The following UPF1 variants were observed in gnomAD, a reference collection of about 807,000 sequenced individuals.
The protein encoded by UPF1 is UPF1 RNA helicase and ATPase.
UPF1 carries 9 observed loss-of-function variants against 129.2 expected under a neutral mutation model. That is an observed-to-expected ratio of 0.07 (90% CI 0.04 to 0.12). The LOEUF is 0.12. Ranked by LOEUF, UPF1 falls within the 10% of genes least tolerant of loss-of-function variation. The pLI is 1.00. For missense variants in UPF1, 788 were observed against 1,525.3 expected (o/e 0.52, Z 8.05); for synonymous variants, 649 against 644.9 (o/e 1.01, Z -0.10).
rs760057017 is a variant in UPF1, at chr19:18,852,977, A to G, written c.973-10A>G. On this transcript the variant is annotated splice_polypyrimidine_tract_variant and intron_variant, in intron 6 of 23. Coordinates refer to ENST00000262803, the MANE Select transcript of UPF1 (RefSeq NM_002911.4). ...AGGCTAACCGGGGCTCTTGTTTTTC[A>G]TGTGCTCAGACTCAAGATAACATCA... 3.2e-5 allele frequency: 51 copies of G among 1,611,120 alleles called. No homozygotes were observed. The highest frequency in any genetic ancestry group is 1.7e-4 in the Middle Eastern group (1 of 6,016).
At position 18,847,628 on chromosome 19, in the gene UPF1, G is replaced by A. The variant is rs183553419; in HGVS notation, c.372-116G>A. The A allele has an allele frequency of 4.9e-5, 44 of 891,436 alleles. No homozygotes were observed. In the African/African-American group the frequency reaches 5.0e-4, roughly 10 times the overall value. The allele number at this position is 891,436 out of a possible 1,614,324, so 55.2% of individuals were successfully genotyped here. The stretch of plus-strand genomic sequence containing the variant: ...TGGTTACTGGGATTGTTGGGGTTGA[G>A]TATGTGTTTAATGAAGAACTTAAAA... On this transcript the variant is annotated intron_variant, in intron 2 of 23. Transcript: ENST00000262803.
At chr19:18,860,113 T>A in intron 15 of UPF1, 1 of 608,136 alleles carries the variant, frequency 1.6e-6, no homozygotes, top group Non-Finnish European at 2.9e-6. Context: ...GCCATGGTGC[T>A]CTCGGTGGCC....
At position 18,855,494 on chromosome 19, in the gene UPF1, G is replaced by C. The variant is rs1339052842; in HGVS notation, c.1544+252G>C. 6.9e-6 allele frequency: 4 copies of C among 580,932 alleles called. No individual in the cohort carries two copies. The Admixed American group carries it at 1.2e-4, about 18-fold the overall frequency. The allele number at this position is 580,932 out of a possible 1,614,324, so 36.0% of individuals were successfully genotyped here. A position where few individuals can be genotyped will look rare whatever the true frequency, so the allele number is the denominator to read the frequency against. Reference sequence around the variant, plus strand: ...AGGGGGGGCATGGCTGCAGCAGCGTGAGTTCCGTGTGCGGCACTTTATAGT... The same window carrying C: ...AGGGGGGGCATGGCTGCAGCAGCGTCAGTTCCGTGTGCGGCACTTTATAGT... On this transcript the variant is annotated intron_variant, in intron 11 of 23. Transcript: ENST00000262803.
Position 18,852,670 on chromosome 19 carries a change from C to T in UPF1, c.973-317C>T, listed in dbSNP as rs1025073733. 5.3e-5 allele frequency among the ~76,000 whole-genome samples: 8 copies of T among 149,940 alleles called. No individual in the cohort carries two copies. The East Asian group carries it at 1.6e-3, about 30-fold the overall frequency. Reference sequence around the variant, plus strand: ...CCCCTCCTCTTTCTGTCCCTCCCTCCCCTCCTCTTTCTGTCCCTCCCTCCC... The same window carrying T: ...CCCCTCCTCTTTCTGTCCCTCCCTCTCCTCCTCTTTCTGTCCCTCCCTCCC... On this transcript the variant is annotated intron_variant, in intron 6 of 23. Coordinates refer to ENST00000262803, the MANE Select transcript of UPF1 (RefSeq NM_002911.4).
At position 18,866,177 on chromosome 19, in the gene UPF1, C is replaced by T; in HGVS notation, c.*3+11C>T. On this transcript the variant is annotated intron_variant, in intron 23 of 23. Transcript: ENST00000262803. ...TCCCAGTATTAAAAGGCAAGCCCCC[C>T]TGGAGCAGGCCTGGCCCCACCCCAG... is the stretch of plus-strand genomic sequence containing the variant. 2 of 1,578,280 alleles carry T rather than the reference C, an allele frequency of 1.3e-6. No individual in the cohort carries two copies. Among genetic ancestry groups the T allele is most frequent in the Non-Finnish European group, 1.7e-6 (2 of 1,161,734 alleles).
rs2055838943 is a variant in UPF1 at position 18,865,951 on chromosome 19, G to GT, written c.3238-89dup. 6.3e-7 allele frequency: 1 copy of GT among 1,596,346 alleles called. No individual in the cohort carries two copies. The highest frequency in any genetic ancestry group is 1.8e-5 in the Admixed American group (1 of 55,768). On this transcript the variant is annotated intron_variant, in intron 22 of 23. Coordinates refer to ENST00000262803, the MANE Select transcript of UPF1 (RefSeq NM_002911.4). This position sits in a 1 kb window ranked among gnomAD's most constrained non-coding sequence, Gnocchi z 6.1. ...CTCCTGGGTCTTAGTTTGGGGACGG[G>GT]TTTTCCATTCTTTTCTCTGGGGCTG... is the stretch of plus-strand genomic sequence containing the variant.
intron 2 of UPF1, 67 bp from the exon 3 acceptor site, chr19:18,847,677 A>T (rs2145946677): frequency 6.7e-7 from 1 of 1,482,828 alleles, no homozygotes; most frequent in Non-Finnish European, 9.4e-7. Context: ...AAAGAATTTC[A>T]CATCTTGCCA....
Position 18,850,312 on chromosome 19 carries a change from C to G in UPF1, c.629+70C>G. The G allele has an allele frequency of 6.6e-7, 1 of 1,503,838 alleles. No homozygotes were observed. The highest frequency in any genetic ancestry group is 2.3e-5 in the East Asian group (1 of 43,042). 93.2% of individuals were successfully genotyped at this position (1,503,838 alleles called of 1,614,324 possible). On this transcript the variant is annotated intron_variant, in intron 4 of 23. Coordinates refer to ENST00000262803, the MANE Select transcript of UPF1 (RefSeq NM_002911.4). This position sits in a 1 kb window ranked among gnomAD's most constrained non-coding sequence, Gnocchi z 7.1. Reference sequence around the variant, plus strand: ...AGCCGTCTCCTCACAAGCCTTGGCCCAGCCCAGCCCAGCCGTGGCTCTAAC... The same window carrying G: ...AGCCGTCTCCTCACAAGCCTTGGCCGAGCCCAGCCCAGCCGTGGCTCTAAC...
At chr19:18,839,130 C>A (rs144648191) in intron 1 of UPF1, among the ~76,000 whole-genome samples, 1 of 152,142 alleles carries the variant, frequency 6.6e-6, no homozygotes, top group Non-Finnish European at 1.5e-5. Flanking sequence ...CTCGCACTGT[C>A]GCCCAGGCTG....
At chr19:18,843,513 T>A (rs1294388926) in intron 1 of UPF1, among the ~76,000 whole-genome samples, 1 of 123,212 alleles carries the variant, frequency 8.1e-6, no homozygotes. Flanking sequence ...GAAGTGACTT[T>A]CTTTGTTTTT....
intron 1 of UPF1, among the ~76,000 whole-genome samples, chr19:18,845,093 C>A (rs1170297082): frequency 6.6e-6 from 1 of 152,212 alleles, no homozygotes; most frequent in South Asian, 2.1e-4. Flanking sequence ...GGCATTAGGC[C>A]GAGGGGCTGT....
chr19:18,854,615 A>G lies in UPF1; in HGVS notation c.1171A>G (p.Ile391Val), dbSNP rs1205080011. The G allele has an allele frequency of 1.2e-6, 2 of 1,612,578 alleles. No homozygotes were observed. Among genetic ancestry groups the G allele is most frequent in the East Asian group, 4.5e-5 (2 of 44,870 alleles). Reference sequence around the variant, plus strand: ...TCAGCACACAGATTATGGCGATGAGATCGCCATTGAGCTGCGGAGCAGCGT... The same window carrying G: ...TCAGCACACAGATTATGGCGATGAGGTCGCCATTGAGCTGCGGAGCAGCGT... ...IKVPDNYGDE[I>V]AIELRSSVGA... Residue 391 changes from isoleucine to valine, a missense_variant, in exon 9 of 24, where the codon ATC (isoleucine) becomes GTC (valine). Around this residue, in one of 6 missense-constraint regions of UPF1, gnomAD observed 227 missense variants for 517.9 expected, o/e 0.44. Coordinates refer to ENST00000262803, the MANE Select transcript of UPF1 (RefSeq NM_002911.4).
intron 6 of UPF1, among the ~76,000 whole-genome samples, chr19:18,852,628 ACCTCCCCTCCCTC>A (rs1161236971): frequency 7.1e-6 from 1 of 140,970 alleles, no homozygotes; most frequent in Non-Finnish European, 1.6e-5. Context: ...TGGAGCGCTG[ACCTCCCCTCCCTC>A]CCTCCCCTCC....
chr19:18,854,753 C>T (rs765361372), intron 9 of UPF1, 44 bp downstream of exon 9: 1 of 1,603,064 alleles, frequency 6.2e-7, no homozygotes, highest in African/African-American at 1.3e-5. Context: ...TGGTTGCCAC[C>T]TGTGGCATCT....
chr19:18,852,444 G>A (rs936066619), intron 6 of UPF1, 148 bp downstream of exon 6: 30 of 1,181,400 alleles, frequency 2.5e-5, no homozygotes, highest in South Asian at 4.4e-5. Context: ...TTGCGGATCC[G>A]GGCCTGGCAG....
In UPF1 at chr19:18,832,778, A is replaced by G. The variant is rs1163295716; in HGVS notation, c.231+338A>G. 6.6e-6 allele frequency among the ~76,000 whole-genome samples: 1 copy of G among 151,880 alleles called. No homozygotes were observed. The highest frequency in any genetic ancestry group is 2.4e-5 in the African/African-American group (1 of 41,300). On this transcript the variant is annotated intron_variant, in intron 1 of 23. Transcript: ENST00000262803. The surrounding 1 kb of genome is among the most constrained non-coding windows in gnomAD (Gnocchi z 5.6). ...TAACCTGACCCTGTTCCTTTACGCC[A>G]GCTGGGTTTGCTCCCCCTCCTGGGC...
chr19:18,840,512 GT>G (rs2055530333), intron 1 of UPF1, among the ~76,000 whole-genome samples: 1 of 152,198 alleles, frequency 6.6e-6, no homozygotes, highest in Non-Finnish European at 1.5e-5. Flanking sequence ...CTGAGGGGCA[GT>G]TTGTGCTTGT....
Position 18,854,511 on chromosome 19 carries a change from A to G in UPF1, c.1157-90A>G. 6.6e-6 allele frequency: 7 copies of G among 1,053,332 alleles called. No individual in the cohort carries two copies. In the South Asian group the frequency reaches 9.0e-5, roughly 13 times the overall value. The allele number at this position is 1,053,332 out of a possible 1,614,324, so 65.2% of individuals were successfully genotyped here. On this transcript the variant is annotated intron_variant, in intron 8 of 23. Coordinates refer to ENST00000262803, the MANE Select transcript of UPF1 (RefSeq NM_002911.4). ...GCGGTGTCTTAAGTAACTAAATTTT[A>G]AAAACGCTGTTTAAAGAGCGTGTAC...
chr19:18,847,879 A>AGCACT, intron 3 of UPF1, 46 bp downstream of exon 3: 1 of 1,565,230 alleles, frequency 6.4e-7, no homozygotes, highest in Non-Finnish European at 8.8e-7. Context: ...TGCTGTGCTC[A>AGCACT]GATTTGTGTG....
Sources: gnomAD v4.1 joint callset for allele counts (sites outside exome capture counted in the v4.1 genomes callset) on GRCh38, gnomAD v4.1.1 for gene constraint, gnomAD v4.1.1 regional missense constraint, Gnocchi (gnomAD v3.1) non-coding constraint, MANE v1.5 for transcripts, NCBI Gene and HGNC (gene_info 2026-07-23, HGNC 2026-07-21) for gene names.